The following SMARCAL1 variants were observed in gnomAD, a reference collection of about 807,000 sequenced individuals.
The protein encoded by SMARCAL1 is SNF2 related chromatin remodeling annealing helicase 1.
A neutral mutation model predicts 94.5 loss-of-function variants in SMARCAL1; 58 were observed. The observed-to-expected ratio is 0.61, with a 90% CI of 0.50 to 0.76. SMARCAL1 has a LOEUF of 0.76. Among genes scored for constraint, SMARCAL1 ranks in the 30% least tolerant of loss-of-function variants. SMARCAL1 has a pLI of 0.00. For missense variants in SMARCAL1, 1,051 were observed against 1,177.9 expected (o/e 0.89, Z 1.58); for synonymous variants, 422 against 455.1 (o/e 0.93, Z 0.93).
At chr2:216,467,862 G>T (rs1159518767) in intron 13 of SMARCAL1, 82 bp from the exon 14 acceptor site, 3 of 863,162 alleles carry the variant, frequency 3.5e-6, no homozygotes, top group Non-Finnish European at 5.9e-6. Context: ...CAGATAATAA[G>T]AATGTTTCAG....
In SMARCAL1 at chr2:216,478,288, T is replaced by C. The variant is rs372951765; in HGVS notation, c.2614T>C (p.Tyr872His). 27 of 1,612,904 alleles carry C rather than the reference T, an allele frequency of 1.7e-5. No individual in the cohort carries two copies. The highest frequency in any genetic ancestry group is 2.2e-5 in the Non-Finnish European group (26 of 1,179,010). Residue 872 changes from tyrosine to histidine, a missense_variant, in exon 17 of 18, where the codon TAC (tyrosine) becomes CAC (histidine). Physicochemically the swap from Tyr to His is moderately conservative, Grantham distance 83. Coordinates refer to ENST00000357276, the MANE Select transcript of SMARCAL1 (RefSeq NM_014140.4). ...NFSEMTESTD[Y>H]LYKDPKQQKI... ...TTCAGAAATGACAGAATCCACTGAT[T>C]ACCTCTACAAGGTAATGCCAGCACA... is the stretch of plus-strand genomic sequence containing the variant.
chr2:216,428,582 GTTC>G lies in SMARCAL1; in HGVS notation c.1148-8_1148-6del, dbSNP rs780003181. The G allele has an allele frequency of 3.5e-4, 559 of 1,612,792 alleles. No individual in the cohort carries two copies. Among genetic ancestry groups the G allele is most frequent in the Non-Finnish European group, 4.6e-4 (537 of 1,179,898 alleles). On this transcript the variant is annotated splice_polypyrimidine_tract_variant and intron_variant, in intron 6 of 17. Transcript: ENST00000357276. ...TGAACACTCCAGCTCATATGCTTCT[GTTC>G]TTCTTTTCAGTTGCAAAGGTGCGCT...
chr2:216,468,545 A>G lies in SMARCAL1; in HGVS notation c.2244+499A>G, dbSNP rs540525905. On this transcript the variant is annotated intron_variant, in intron 14 of 17. Transcript: ENST00000357276. ...GAAGGATTTCCAAGGATGTTTATGA[A>G]AACTGAACACATTTCATCCCCTTTT... Among the ~76,000 whole-genome samples the G allele has an allele frequency of 9.8e-5, 15 of 152,292 alleles. No individual in the cohort carries two copies. In the South Asian group the frequency reaches 1.9e-3, roughly 19 times the overall value.
intron 6 of SMARCAL1, 70 bp downstream of exon 6, chr2:216,423,753 T>G (rs1693774122): frequency 7.2e-7 from 1 of 1,392,900 alleles, no homozygotes; most frequent in African/African-American, 1.4e-5. Context: ...TTAAATTTGA[T>G]GTATTTTTGA....
In SMARCAL1 at chr2:216,423,641, A is replaced by C; in HGVS notation, c.1105A>C (p.Thr369Pro). ...ATTTCTTGTCATTGCAGATGTCAAGACCAGGAAGTGGAGCTTTCTCTTGGA... is the reference window on the plus strand; with the variant it reads ...ATTTCTTGTCATTGCAGATGTCAAGCCCAGGAAGTGGAGCTTTCTCTTGGA... The part of the protein sequence containing the change: ...QMDSRRYDVK[T>P]RKWSFLLEEH... Residue 369 changes from threonine to proline, a missense_variant, in exon 6 of 18, where the codon ACC (threonine) becomes CCC (proline). Physicochemically the swap from Thr to Pro is conservative, Grantham distance 38. This residue lies in a region of SMARCAL1 where 642 missense variants were observed against 754.7 expected (regional missense o/e 0.85). Coordinates refer to ENST00000357276, the MANE Select transcript of SMARCAL1 (RefSeq NM_014140.4). 3.1e-6 allele frequency: 5 copies of C among 1,613,968 alleles called. No individual in the cohort carries two copies. Among genetic ancestry groups the C allele is most frequent in the Non-Finnish European group, 4.2e-6 (5 of 1,179,826 alleles).
Position 216,414,888 on chromosome 2 carries a change from T to C in SMARCAL1, c.184T>C (p.Cys62Arg), listed in dbSNP as rs1490373616. Residue 62 changes from cysteine to arginine, a missense_variant, in exon 3 of 18, where the codon TGT becomes CGT. Physicochemically the swap from Cys to Arg is radical, Grantham distance 180. Coordinates refer to ENST00000357276, the MANE Select transcript of SMARCAL1 (RefSeq NM_014140.4). Reference sequence around the variant, plus strand: ...ATCCCAAAATTTCCCAAGGGAGTCTTGTAAGCCAGTGAGCCATGGTGTCAT... The same window carrying C: ...ATCCCAAAATTTCCCAAGGGAGTCTCGTAAGCCAGTGAGCCATGGTGTCAT... ...GPSQNFPRES[C>R]KPVSHGVIFK... The C allele has an allele frequency of 3.7e-6, 6 of 1,614,108 alleles. No homozygotes were observed. Among genetic ancestry groups the C allele is most frequent in the Non-Finnish European group, 4.2e-6 (5 of 1,180,040 alleles).
chr2:216,429,600 A>T (rs1466184786), intron 7 of SMARCAL1, among the ~76,000 whole-genome samples: 2 of 152,236 alleles, frequency 1.3e-5, no homozygotes, highest in Non-Finnish European at 2.9e-5. Context: ...AGAAGCTGTT[A>T]TTAGACAGTG....
chr2:216,444,858 A>G (rs905146268), intron 10 of SMARCAL1, among the ~76,000 whole-genome samples: 6 of 152,156 alleles, frequency 3.9e-5, no homozygotes, highest in Non-Finnish European at 7.4e-5. Flanking sequence ...TCCACTTTCA[A>G]TTACGACATT....
rs374913811 is a variant in SMARCAL1 at position 216,426,137 on chromosome 2, C to T, written c.1147+2454C>T. ...TTGGCCTCCCAAAGTGCTGGGATTA[C>T]AGGCGTGAGCCACCGTGCCCAGCCA... On this transcript the variant is annotated intron_variant, in intron 6 of 17. Coordinates refer to ENST00000357276, the MANE Select transcript of SMARCAL1 (RefSeq NM_014140.4). Among the ~76,000 whole-genome samples the T allele has an allele frequency of 2.7e-3, 418 of 152,360 alleles. 1 individual carries two copies. The highest frequency in any genetic ancestry group is 9.4e-3 in the African/African-American group (390 of 41,580).
At chr2:216,434,059 T>C (rs1313173761) in intron 8 of SMARCAL1, among the ~76,000 whole-genome samples, 2 of 152,016 alleles carry the variant, frequency 1.3e-5, no homozygotes, top group Non-Finnish European at 2.9e-5. Flanking sequence ...CAGGCTGGTC[T>C]TGAACTCCTG....
intron 17 of SMARCAL1, chr2:216,479,366 T>G (rs1695152134): frequency 6.6e-6 from 1 of 150,536 alleles, no homozygotes; most frequent in South Asian, 2.1e-4. Context: ...GCCTAGGAGG[T>G]CAAGGCTGTA....
chr2:216,470,201 A>T (rs1694931467), intron 14 of SMARCAL1, among the ~76,000 whole-genome samples: 1 of 151,980 alleles, frequency 6.6e-6, no homozygotes, highest in Non-Finnish European at 1.5e-5. Context: ...CCCGGGCTGG[A>T]GTGCAGTGGC....
intron 17 of SMARCAL1, among the ~76,000 whole-genome samples, chr2:216,481,369 T>C (rs1389981578): frequency 6.6e-6 from 1 of 152,004 alleles, no homozygotes; most frequent in East Asian, 1.9e-4. Flanking sequence ...CAATTTTCTG[T>C]ATTTTTGATA....
intron 10 of SMARCAL1, 59 bp from the exon 11 acceptor site, chr2:216,446,959 G>A: frequency 6.2e-7 from 1 of 1,611,382 alleles, no homozygotes; most frequent in Non-Finnish European, 8.5e-7. Context: ...GGGGCATTTT[G>A]AACATTTCCT....
chr2:216,426,827 T>C (rs954349456), intron 6 of SMARCAL1, among the ~76,000 whole-genome samples: 5 of 152,238 alleles, frequency 3.3e-5, no homozygotes, highest in Non-Finnish European at 7.3e-5. Flanking sequence ...CACCCCATGC[T>C]GTCCTTCCTC....
At chr2:216,447,382 G>A (rs1006637608) in intron 11 of SMARCAL1, among the ~76,000 whole-genome samples, 1 of 152,092 alleles carries the variant, frequency 6.6e-6, no homozygotes, top group Non-Finnish European at 1.5e-5. Flanking sequence ...ATGGTTATCC[G>A]AAGTCATCGT....
chr2:216,435,307 T>A (rs751495868), intron 8 of SMARCAL1, 31 bp from the exon 9 acceptor site: 2 of 1,613,416 alleles, frequency 1.2e-6, no homozygotes, highest in Non-Finnish European at 1.7e-6. Context: ...TGGGTGGTCA[T>A]TGTAGCTTTG....
intron 12 of SMARCAL1, among the ~76,000 whole-genome samples, chr2:216,457,647 AAGAC>A (rs1157268788): frequency 5.3e-5 from 8 of 152,348 alleles, no homozygotes; most frequent in African/African-American, 1.9e-4. Flanking sequence ...AATGAGAACA[AAGAC>A]AGAACATACC....
At chr2:216,469,714 G>A (rs202156208) in intron 14 of SMARCAL1, among the ~76,000 whole-genome samples, 1 of 151,674 alleles carries the variant, frequency 6.6e-6, no homozygotes, top group East Asian at 1.9e-4. Flanking sequence ...TTTATGGCTT[G>A]TGTATGTGCT....
Sources: allele counts gnomAD v4.1 joint callset (sites outside exome capture counted in the v4.1 genomes callset), GRCh38; gene constraint gnomAD v4.1.1; regional missense constraint gnomAD v4.1.1; transcripts MANE v1.5; gene names NCBI Gene and HGNC (gene_info 2026-07-23, HGNC 2026-07-21).